SYNJ2: variants seen among roughly 807,000 people sequenced by gnomAD.
SYNJ2 encodes the protein polyphosphatidylinositol phosphatase SYNJ2.
In SYNJ2, 116 loss-of-function variants were observed where a neutral mutation model predicts 141.3. The observed-to-expected ratio is 0.82, with a 90% CI of 0.71 to 0.96. SYNJ2 has a LOEUF of 0.96. Among genes scored for constraint, SYNJ2 ranks in the 40% least tolerant of loss-of-function variants. The pLI is 0.00. For missense variants in SYNJ2, 1,873 were observed against 1,934.8 expected, an observed-to-expected ratio of 0.97 and a Z score of 0.60; for synonymous variants, 745 against 777.7, an observed-to-expected ratio of 0.96 and a Z score of 0.70.
chr6:158,037,823 C>T lies in SYNJ2; in HGVS notation c.711+4143C>T, dbSNP rs554661845. Among the ~76,000 whole-genome samples the T allele has an allele frequency of 2.6e-5, 4 of 152,352 alleles. No individual in the cohort carries two copies. The South Asian group carries it at 8.3e-4, about 32-fold the overall frequency. Reference sequence around the variant, plus strand: ...AAGGGACACAGCTCACCCTGGGCCGCGGATGCTGGCTCCTGTTAGAGGACT... The same window carrying T: ...AAGGGACACAGCTCACCCTGGGCCGTGGATGCTGGCTCCTGTTAGAGGACT... On this transcript the variant is annotated intron_variant, in intron 4 of 26. Coordinates refer to ENST00000355585, the MANE Select transcript of SYNJ2 (RefSeq NM_003898.4).
rs1783915074 is a variant in SYNJ2, at chr6:158,098,801, C to T, written c.*2437C>T. On this transcript the variant is annotated 3_prime_UTR_variant, in exon 27 of 27. Coordinates refer to ENST00000355585, the MANE Select transcript of SYNJ2 (RefSeq NM_003898.4). ...CAGTTCACGCAGACTGGTTTAGGTACTTCACAACTCACCATTGTCTCTCTG... is the reference window on the plus strand; with the variant it reads ...CAGTTCACGCAGACTGGTTTAGGTATTTCACAACTCACCATTGTCTCTCTG... 1 of 152,228 alleles carries T rather than the reference C, an allele frequency of 6.6e-6. No homozygotes were observed. Among genetic ancestry groups the T allele is most frequent in the Admixed American group, 6.5e-5 (1 of 15,280 alleles). 9.4% of individuals were successfully genotyped at this position (152,228 alleles called of 1,614,324 possible). A position where few individuals can be genotyped will look rare whatever the true frequency, so the allele number is the denominator to read the frequency against.
At chr6:158,034,993 G>A (rs1417711923) in intron 4 of SYNJ2, among the ~76,000 whole-genome samples, 1 of 152,134 alleles carries the variant, frequency 6.6e-6, no homozygotes, top group Non-Finnish European at 1.5e-5. Context: ...ATGGTTGTAG[G>A]TGTACGGCCT....
At chr6:158,005,140 C>T (rs556097424) in intron 1 of SYNJ2, among the ~76,000 whole-genome samples, 59 of 150,352 alleles carry the variant, frequency 3.9e-4, no homozygotes, top group Admixed American at 7.9e-4. Context: ...TGCAGTGGCG[C>T]GATCTCGGCT....
intron 6 of SYNJ2, among the ~76,000 whole-genome samples, chr6:158,057,798 C>T (rs1047146464): frequency 2.6e-5 from 4 of 152,206 alleles, no homozygotes; most frequent in East Asian, 3.9e-4. Flanking sequence ...AGAGCCTGCA[C>T]GTGTCAGAGC....
intron 3 of SYNJ2, among the ~76,000 whole-genome samples, chr6:158,031,908 A>C (rs1779385374): frequency 6.6e-6 from 1 of 152,208 alleles, no homozygotes; most frequent in Admixed American, 6.5e-5. Context: ...GATAGTGGCC[A>C]TAGCTGTGTA....
Position 158,084,170 on chromosome 6 carries a change from C to CA in SYNJ2, c.3207dup (p.Asp1070ArgfsTer2). The CA allele has an allele frequency of 6.2e-7, 1 of 1,612,934 alleles. No homozygotes were observed. ...CCAAAAAGAAGCAGCATCCAACGTA[C>CA]AAAGGTAGCCTGACCCTTCTTTTCT... On this transcript the variant is annotated frameshift_variant, in exon 22 of 27. Coordinates refer to ENST00000355585, the MANE Select transcript of SYNJ2 (RefSeq NM_003898.4). LOFTEE classifies it high-confidence loss of function. This position sits in a 1 kb window ranked among gnomAD's most constrained non-coding sequence, Gnocchi z 5.0.
chr6:158,014,109 T>C (rs1239051208), intron 1 of SYNJ2, among the ~76,000 whole-genome samples: 1 of 152,250 alleles, frequency 6.6e-6, no homozygotes, highest in East Asian at 1.9e-4. Flanking sequence ...TTCTGTTCAA[T>C]AGTCTATACA....
intron 2 of SYNJ2, 115 bp downstream of exon 2, chr6:158,017,405 CTTTTTT>C (rs34667973): frequency 7.1e-4 from 427 of 599,782 alleles, no homozygotes; most frequent in Middle Eastern, 1.8e-3. Flanking sequence ...TCTCTCTCTT[CTTTTTT>C]TTTTTTTTTT....
In SYNJ2 at chr6:158,081,417, T is replaced by C. The variant is rs377373842; in HGVS notation, c.2787-15T>C. 1 of 1,613,280 alleles carries C rather than the reference T, an allele frequency of 6.2e-7. No individual in the cohort carries two copies. Among genetic ancestry groups the C allele is most frequent in the Non-Finnish European group, 8.5e-7 (1 of 1,179,800 alleles). ...GGTCGTTCTTGGCATTGACTTGGAGTATCATTTATTCCAGGATCAACCAAG... is the reference window on the plus strand; with the variant it reads ...GGTCGTTCTTGGCATTGACTTGGAGCATCATTTATTCCAGGATCAACCAAG... On this transcript the variant is annotated splice_polypyrimidine_tract_variant and intron_variant, in intron 19 of 26. Transcript: ENST00000355585.
intron 1 of SYNJ2, among the ~76,000 whole-genome samples, chr6:158,004,431 ACACTCG>A (rs1777977273): frequency 6.6e-6 from 1 of 152,282 alleles, no homozygotes; most frequent in African/African-American, 2.4e-5. Flanking sequence ...ATGCTAAGAG[ACACTCG>A]CACCAGCACC....
intron 17 of SYNJ2, 143 bp downstream of exon 17, chr6:158,076,925 C>A (rs1405755557): frequency 1.9e-6 from 2 of 1,028,578 alleles, no homozygotes; most frequent in Non-Finnish European, 2.7e-6. Flanking sequence ...TCATCCCAGA[C>A]CTTAACCCCT....
chr6:158,004,990 G>C (rs916834741), intron 1 of SYNJ2, among the ~76,000 whole-genome samples: 1 of 151,352 alleles, frequency 6.6e-6, no homozygotes, highest in South Asian at 2.1e-4. Flanking sequence ...CCACGCCCCT[G>C]ACCCCTCCAG....
At chr6:158,002,667 A>G (rs538814603) in intron 1 of SYNJ2, among the ~76,000 whole-genome samples, 52 of 152,238 alleles carry the variant, frequency 3.4e-4, no homozygotes, top group Admixed American at 3.2e-3. Flanking sequence ...CCTCTTGTCA[A>G]AAGAGAAGGT....
chr6:158,081,927 T>G (rs1440292800), intron 20 of SYNJ2, among the ~76,000 whole-genome samples: 1 of 152,192 alleles, frequency 6.6e-6, no homozygotes, highest in African/African-American at 2.4e-5. Context: ...GTGTTGAGAT[T>G]ACAGGCATGA....
At chr6:157,990,957 G>C (rs1410902424) in intron 1 of SYNJ2, among the ~76,000 whole-genome samples, 2 of 151,840 alleles carry the variant, frequency 1.3e-5, no homozygotes, top group African/African-American at 4.8e-5. Context: ...AAGACACCTT[G>C]GGCAATGGGA....
chr6:157,989,778 G>A (rs981836648), intron 1 of SYNJ2, among the ~76,000 whole-genome samples: 2 of 152,172 alleles, frequency 1.3e-5, no homozygotes, highest in African/African-American at 4.8e-5. Context: ...CAAGGAACAT[G>A]AGGCCTGGCA....
Position 158,033,693 on chromosome 6 carries a change from G to A in SYNJ2, c.711+13G>A, listed in dbSNP as rs777910256. On this transcript the variant is annotated intron_variant, in intron 4 of 26. Coordinates refer to ENST00000355585, the MANE Select transcript of SYNJ2 (RefSeq NM_003898.4). ...GGAGACAGAGCAGGTGAGTGCCCAG[G>A]CCCATCTGTGGCACCAAATGGTTCC... The A allele has an allele frequency of 8.8e-6, 14 of 1,592,338 alleles. No individual in the cohort carries two copies. In the South Asian group the frequency reaches 1.4e-4, roughly 16 times the overall value.
rs972137091 is a variant in SYNJ2 at position 158,040,750 on chromosome 6, T to C, written c.712-2566T>C. Among the ~76,000 whole-genome samples, 2 of 152,166 alleles carry C rather than the reference T, an allele frequency of 1.3e-5. No homozygotes were observed. Among genetic ancestry groups the C allele is most frequent in the Admixed American group, 6.5e-5 (1 of 15,286 alleles). On this transcript the variant is annotated intron_variant, in intron 4 of 26. Coordinates refer to ENST00000355585, the MANE Select transcript of SYNJ2 (RefSeq NM_003898.4). This position sits in a 1 kb window ranked among gnomAD's most constrained non-coding sequence, Gnocchi z 4.2. ...AGTTTTCCTGCCTCGTCGCTCTCTT[T>C]TTATGGCCATTAGGTTTCTGTTCCC...
At position 158,042,504 on chromosome 6, in the gene SYNJ2, G is replaced by T. The variant is rs116577263; in HGVS notation, c.712-812G>T. Among the ~76,000 whole-genome samples the T allele has an allele frequency of 9.4e-3, 1,426 of 152,338 alleles. 23 individuals carry two copies. Among genetic ancestry groups the T allele is most frequent in the African/African-American group, 0.032 (1,342 of 41,570 alleles). ...CCCTGCCAGGCCAGGCTAGAGTTGC[G>T]CAGATAAAGGCCCCGCATCTGATAA... is the stretch of plus-strand genomic sequence containing the variant. On this transcript the variant is annotated intron_variant, in intron 4 of 26. Coordinates refer to ENST00000355585, the MANE Select transcript of SYNJ2 (RefSeq NM_003898.4).
Sources: gnomAD v4.1 joint callset for allele counts (sites outside exome capture counted in the v4.1 genomes callset) on GRCh38, gnomAD v4.1.1 for gene constraint, Gnocchi (gnomAD v3.1) non-coding constraint, MANE v1.5 for transcripts, NCBI Gene and HGNC (gene_info 2026-07-23, HGNC 2026-07-21) for gene names.